PLCB1: variants seen among roughly 807,000 people sequenced by gnomAD.
PLCB1 encodes 1-phosphatidylinositol 4,5-bisphosphate phosphodiesterase beta-1.
In PLCB1, 46 loss-of-function variants were observed where a neutral mutation model predicts 161.8. That is an observed-to-expected ratio of 0.28 (90% CI 0.22 to 0.36). The LOEUF is 0.36. Ranked by LOEUF, PLCB1 falls within the 10% of genes least tolerant of loss-of-function variation. The pLI, the probability that PLCB1 is intolerant of heterozygous loss-of-function variation, is 1.00. For missense variants in PLCB1, 1,016 were observed against 1,472.5 expected, an observed-to-expected ratio of 0.69 and a Z score of 5.07; for synonymous variants, 517 against 503.7, an observed-to-expected ratio of 1.03 and a Z score of -0.35.
At chr20:8,499,797 A>G (rs929318318) in intron 3 of PLCB1, among the ~76,000 whole-genome samples, 1 of 152,110 alleles carries the variant, frequency 6.6e-6, no homozygotes, top group Non-Finnish European at 1.5e-5. Flanking sequence ...CTCTCATTTT[A>G]TTTTTCATTA....
At chr20:8,136,993 AT>A in intron 1 of PLCB1, among the ~76,000 whole-genome samples, 1 of 152,354 alleles carries the variant, frequency 6.6e-6, no homozygotes, top group South Asian at 2.1e-4. Flanking sequence ...TTACAAGCAT[AT>A]TCTAACATGG....
chr20:8,753,103 A>T (rs1025873812), intron 23 of PLCB1, among the ~76,000 whole-genome samples: 1 of 152,034 alleles, frequency 6.6e-6, no homozygotes, highest in Non-Finnish European at 1.5e-5. Flanking sequence ...TCCTTATGAA[A>T]ATCTAATGCA....
intron 3 of PLCB1, among the ~76,000 whole-genome samples, chr20:8,566,449 G>A (rs1986337877): frequency 6.6e-6 from 1 of 152,124 alleles, no homozygotes; most frequent in Non-Finnish European, 1.5e-5. Context: ...GACTTATCCT[G>A]TGGAATGTAA....
chr20:8,826,421 G>C (rs1012570771), intron 31 of PLCB1, among the ~76,000 whole-genome samples: 1 of 151,772 alleles, frequency 6.6e-6, no homozygotes, highest in African/African-American at 2.4e-5. Context: ...CATGAACCCG[G>C]GAGGCAGAGC....
intron 3 of PLCB1, among the ~76,000 whole-genome samples, chr20:8,479,485 G>A (rs1226300040): frequency 6.6e-6 from 1 of 152,192 alleles, no homozygotes; most frequent in African/African-American, 2.4e-5. Flanking sequence ...TGAGGAAAAT[G>A]GTTGTATGCT....
rs534090578 is a variant in PLCB1, at chr20:8,765,636, A to G, written c.2930+278A>G. ...CTAACTTCCTATATTACAGCTGCCA[A>G]TCTCATGGGTATGAGACTTTGCCTG... On this transcript the variant is annotated intron_variant, in intron 26 of 31. Coordinates refer to ENST00000338037, the MANE Select transcript of PLCB1 (RefSeq NM_015192.4). Among the ~76,000 whole-genome samples, 19 of 152,118 alleles carry G rather than the reference A, an allele frequency of 1.2e-4. No homozygotes were observed. The South Asian group carries it at 3.7e-3, about 30-fold the overall frequency.
intron 14 of PLCB1, among the ~76,000 whole-genome samples, chr20:8,718,633 A>C (rs1036680021): frequency 7.9e-5 from 12 of 152,202 alleles, no homozygotes; most frequent in Non-Finnish European, 1.8e-4. Context: ...CATTGGATCC[A>C]TCCAGATAAT....
At chr20:8,728,766 C>T (rs1262918609) in intron 17 of PLCB1, among the ~76,000 whole-genome samples, 1 of 151,832 alleles carries the variant, frequency 6.6e-6, no homozygotes, top group Non-Finnish European at 1.5e-5. Context: ...GATGCTATGC[C>T]TATGTGATAA....
Position 8,132,498 on chromosome 20 carries a change from TGC to T in PLCB1, c.-152_-151del, listed in dbSNP as rs2051301043. On this transcript the variant is annotated 5_prime_UTR_variant, in exon 1 of 32. Coordinates refer to ENST00000338037, the MANE Select transcript of PLCB1 (RefSeq NM_015192.4). This position sits in a 1 kb window ranked among gnomAD's most constrained non-coding sequence, Gnocchi z 5.2. ...CCTGCTGAGCGGCGCCGGAGGGAGGTGCGGAGGCCGGGAGGCCGGGGAGGCCG... is the reference window on the plus strand; with the variant it reads ...CCTGCTGAGCGGCGCCGGAGGGAGGTGGAGGCCGGGAGGCCGGGGAGGCCG... 1 of 386,168 alleles carries T rather than the reference TGC, an allele frequency of 2.6e-6. No individual in the cohort carries two copies. Among genetic ancestry groups the T allele is most frequent in the Non-Finnish European group, 4.6e-6 (1 of 219,272 alleles). The allele number at this position is 386,168 out of a possible 1,614,324, so 23.9% of individuals were successfully genotyped here.
intron 2 of PLCB1, chr20:8,256,666 A>C (rs1328269106): frequency 1.3e-5 from 2 of 152,136 alleles, no homozygotes; most frequent in African/African-American, 4.8e-5. Flanking sequence ...TAAGGAGGCC[A>C]TTAATGGAGG....
chr20:8,831,067 T>G (rs987167893), intron 31 of PLCB1: 5 of 152,236 alleles, frequency 3.3e-5, no homozygotes, highest in Admixed American at 2.6e-4. Flanking sequence ...CTCTCAATAC[T>G]TATTTTAAAA....
intron 1 of PLCB1, among the ~76,000 whole-genome samples, chr20:8,144,395 C>T (rs990509636): frequency 3.0e-4 from 46 of 152,194 alleles, no homozygotes; most frequent in African/African-American, 1.0e-3. Flanking sequence ...CATTTCCCTA[C>T]ATTGTGTTAA....
chr20:8,475,210 A>G (rs887691493), intron 3 of PLCB1, among the ~76,000 whole-genome samples: 1 of 152,186 alleles, frequency 6.6e-6, no homozygotes, highest in African/African-American at 2.4e-5. Context: ...GTTTTTTAAA[A>G]TACACTTTAT....
At chr20:8,516,689 ATATATATATATATATATATATG>A (rs1225159343) in intron 3 of PLCB1, among the ~76,000 whole-genome samples, 3 of 129,500 alleles carry the variant, frequency 2.3e-5, no homozygotes, top group Admixed American at 7.7e-5. Flanking sequence ...ATATATATAT[ATATATATATATATATATATATG>A]TATTCCATTT....
At chr20:8,239,701 G>A (rs921124896) in intron 2 of PLCB1, among the ~76,000 whole-genome samples, 7 of 151,768 alleles carry the variant, frequency 4.6e-5, no homozygotes, top group Non-Finnish European at 8.8e-5. Context: ...GGAAAGATAC[G>A]ATGCTTGATA....
chr20:8,132,948 C>A lies in PLCB1; in HGVS notation c.99+198C>A, dbSNP rs1402292802. ...TTGCGCGCGCTCCTGTTTCATCGGG[C>A]TTCAGTAGTTGCCATCCTTTCTGGG... is the stretch of plus-strand genomic sequence containing the variant. On this transcript the variant is annotated intron_variant, in intron 1 of 31. Transcript: ENST00000338037. This position sits in a 1 kb window ranked among gnomAD's most constrained non-coding sequence, Gnocchi z 5.2. Among the ~76,000 whole-genome samples, 1 of 152,138 alleles carries A rather than the reference C, an allele frequency of 6.6e-6. No homozygotes were observed. Among genetic ancestry groups the A allele is most frequent in the Non-Finnish European group, 1.5e-5 (1 of 68,020 alleles).
intron 14 of PLCB1, 112 bp downstream of exon 14, chr20:8,717,960 G>T (rs1414635711): frequency 3.2e-6 from 3 of 933,140 alleles, no homozygotes; most frequent in Non-Finnish European, 4.5e-6. Flanking sequence ...GGAGGCTGAG[G>T]CAGGTGGATT....
chr20:8,209,793 T>A (rs1978727001), intron 2 of PLCB1, among the ~76,000 whole-genome samples: 1 of 152,152 alleles, frequency 6.6e-6, no homozygotes, highest in African/African-American at 2.4e-5. Context: ...TCATCATATA[T>A]AACATGCACA....
intron 4 of PLCB1, among the ~76,000 whole-genome samples, chr20:8,633,101 TACACACACAC>T (rs58802999): frequency 0.37 from 52,656 of 142,172 alleles, 9,848 homozygotes; most frequent in Admixed American, 0.49. Flanking sequence ...TGCATGTATG[TACACACACAC>T]ACACACACAC....
Sources: allele counts gnomAD v4.1 joint callset (sites outside exome capture counted in the v4.1 genomes callset), GRCh38; gene constraint gnomAD v4.1.1; non-coding constraint Gnocchi (gnomAD v3.1); transcripts MANE v1.5; gene names NCBI Gene and HGNC (gene_info 2026-07-23, HGNC 2026-07-21).